The following NPAS1 variants were observed in gnomAD, a reference collection of about 807,000 sequenced individuals.
The protein encoded by NPAS1 is neuronal PAS domain-containing protein 1.
In NPAS1, 29 loss-of-function variants were observed where a neutral mutation model predicts 49.2. The ratio of observed to expected loss-of-function variants is 0.59; its 90% confidence interval spans 0.44 to 0.80. The LOEUF (loss-of-function observed/expected upper bound fraction) is 0.80. Ranked by LOEUF, NPAS1 falls within the 30% of genes least tolerant of loss-of-function variation. The pLI is 0.00. For missense variants in NPAS1, 825 were observed against 835.5 expected (o/e 0.99, Z 0.15); for synonymous variants, 408 against 380.4 (o/e 1.07, Z -0.84).
chr19:47,032,829 A>G, intron 5 of NPAS1, 97 bp downstream of exon 5: 1 of 860,536 alleles, frequency 1.2e-6, no homozygotes. Flanking sequence ...CCATAGCAGC[A>G]AGAAAAATGG....
intron 3 of NPAS1, among the ~76,000 whole-genome samples, chr19:47,023,449 T>G (rs1274477239): frequency 4.0e-5 from 6 of 151,686 alleles, no homozygotes; most frequent in Non-Finnish European, 8.8e-5. Context: ...CAGGACAGTG[T>G]GGGGGGGCTT....
intron 1 of NPAS1, chr19:47,020,768 C>A (rs1162494246): frequency 5.3e-5 from 12 of 226,706 alleles, no homozygotes. Flanking sequence ...GGGCGTGAGG[C>A]GGGCGCGCTG....
chr19:47,036,229 A>G, intron 6 of NPAS1, 100 bp downstream of exon 6: 1 of 1,245,338 alleles, frequency 8.0e-7, no homozygotes, highest in South Asian at 1.3e-5. Flanking sequence ...ATAGCAGTGA[A>G]GTTAGAACTG....
chr19:47,039,282 G>A, intron 7 of NPAS1, 125 bp from the exon 8 acceptor site: 2 of 1,480,014 alleles, frequency 1.4e-6, no homozygotes, highest in Non-Finnish European at 1.8e-6. Flanking sequence ...AATGGGACTG[G>A]GGGGGTCACA....
chr19:47,028,959 G>A (rs1312787205), intron 3 of NPAS1, among the ~76,000 whole-genome samples: 1 of 152,146 alleles, frequency 6.6e-6, no homozygotes, highest in African/African-American at 2.4e-5. Flanking sequence ...GATGGGGCAG[G>A]GGGCACAGGT....
chr19:47,024,125 A>G (rs566714390), intron 3 of NPAS1, among the ~76,000 whole-genome samples: 9 of 151,970 alleles, frequency 5.9e-5, no homozygotes, highest in African/African-American at 2.2e-4. Flanking sequence ...AAAAATAAAA[A>G]TAAATAAATA....
At chr19:47,042,339 C>A (rs867358702) in intron 10 of NPAS1, among the ~76,000 whole-genome samples, 1 of 152,048 alleles carries the variant, frequency 6.6e-6, no homozygotes, top group Non-Finnish European at 1.5e-5. Context: ...AAAAACCCTT[C>A]TAGCTGCCAT....
intron 3 of NPAS1, among the ~76,000 whole-genome samples, chr19:47,023,144 T>C (rs959128741): frequency 3.3e-5 from 5 of 152,196 alleles, no homozygotes; most frequent in Non-Finnish European, 7.3e-5. Context: ...TCCCAGGCGG[T>C]AATTAGGCGA....
chr19:47,033,244 ATT>A (rs373034169), intron 5 of NPAS1, among the ~76,000 whole-genome samples: 2 of 130,962 alleles, frequency 1.5e-5, no homozygotes, highest in African/African-American at 2.9e-5. Flanking sequence ...GATGAGGGCT[ATT>A]TTTTTTTTTT....
chr19:47,037,081 G>C (rs2122515536), intron 6 of NPAS1, among the ~76,000 whole-genome samples: 1 of 150,978 alleles, frequency 6.6e-6, no homozygotes, highest in African/African-American at 2.4e-5. Context: ...GCTGGGTGCG[G>C]TGGCTCACGC....
chr19:47,035,264 A>T (rs753430809), intron 5 of NPAS1: 1 of 152,430 alleles, frequency 6.6e-6, no homozygotes, highest in Non-Finnish European at 1.5e-5. Flanking sequence ...GGAGGATTTA[A>T]TGAGGGGGCG....
In NPAS1 at chr19:47,029,785, C is replaced by T. The variant is rs115801717; in HGVS notation, c.359-2493C>T. On this transcript the variant is annotated intron_variant, in intron 3 of 11. Coordinates refer to ENST00000602212, the MANE Select transcript of NPAS1 (RefSeq NM_002517.4). ...GATGTGAAGTATGCTGCTATGAACA[C>T]GCATGTACATGCTACAACGCCTGTT... Among the ~76,000 whole-genome samples the T allele has an allele frequency of 7.6e-3, 1,156 of 152,314 alleles. 15 individuals are homozygous for T. The highest frequency in any genetic ancestry group is 0.026 in the African/African-American group (1,090 of 41,566).
intron 3 of NPAS1, among the ~76,000 whole-genome samples, chr19:47,027,349 C>T (rs1191728378): frequency 3.1e-5 from 4 of 130,814 alleles, no homozygotes; most frequent in African/African-American, 8.2e-5. Flanking sequence ...TGCCCCAGGT[C>T]CCCCCTCTCT....
rs762126729 is a variant in NPAS1, at chr19:47,041,147, C to T, written c.1217+22C>T. On this transcript the variant is annotated intron_variant, in intron 10 of 11. Transcript: ENST00000602212. ...TCAGGTGAGGGCTGTGCCCACCCCT[C>T]CTGCAGGGCACTCAGGGCCCTGCTG... The T allele has an allele frequency of 1.3e-5, 20 of 1,540,768 alleles. No homozygotes were observed. In the South Asian group the frequency reaches 2.1e-4, roughly 16 times the overall value.
At position 47,039,028 on chromosome 19, in the gene NPAS1, T is replaced by C. The variant is rs1161556733; in HGVS notation, c.689-8T>C. The C allele has an allele frequency of 1.2e-6, 2 of 1,613,456 alleles. No homozygotes were observed. On this transcript the variant is annotated splice_polypyrimidine_tract_variant and splice_region_variant and intron_variant, in intron 6 of 11. Transcript: ENST00000602212. ...GACCCCATAACCTTCCTTCACTCTC[T>C]GTCCCAGAGGCCAGCCTCACCAAGG...
At chr19:47,027,143 C>T (rs774862797) in intron 3 of NPAS1, among the ~76,000 whole-genome samples, 10 of 152,276 alleles carry the variant, frequency 6.6e-5, no homozygotes, top group Admixed American at 2.6e-4. Flanking sequence ...CTCAGGCCTG[C>T]GGCGCTTTGA....
At position 47,021,826 on chromosome 19, in the gene NPAS1, G is replaced by A; in HGVS notation, c.337G>A (p.Ala113Thr). 1 of 1,508,890 alleles carries A rather than the reference G, an allele frequency of 6.6e-7. No individual in the cohort carries two copies. Among genetic ancestry groups the A allele is most frequent in the Non-Finnish European group, 8.8e-7 (1 of 1,132,924 alleles). 93.5% of individuals were successfully genotyped at this position (1,508,890 alleles called of 1,614,324 possible). A position where few individuals can be genotyped will look rare whatever the true frequency, so the allele number is the denominator to read the frequency against. The change falls in exon 3 of 12, where the codon GCG becomes ACG. Residue 113 changes from alanine to threonine, a missense_variant. By Grantham distance (58) the Ala-to-Thr change is moderately conservative (BLOSUM62 0). Transcript: ENST00000602212. This position sits in a 1 kb window ranked among gnomAD's most constrained non-coding sequence, Gnocchi z 5.7. Reference sequence around the variant, plus strand: ...GGCGCCGCCCTGGGGGCTGAGAGCCGCGGGGCCGCCAGCTGGCCTCGGTGA... The same window carrying A: ...GGCGCCGCCCTGGGGGCTGAGAGCCACGGGGCCGCCAGCTGGCCTCGGTGA... ...LGAPPWGLRA[A>T]GPPAGLAPGR...
chr19:47,032,708 C>T lies in NPAS1; in HGVS notation c.498C>T (p.Val166=). The T allele has an allele frequency of 2.5e-6, 4 of 1,614,018 alleles. No individual in the cohort carries two copies. The highest frequency in any genetic ancestry group is 3.4e-6 in the Non-Finnish European group (4 of 1,179,892). Residue 166 remains valine, a synonymous_variant, in exon 5 of 12, where the codon GTC becomes GTT. Coordinates refer to ENST00000602212, the MANE Select transcript of NPAS1 (RefSeq NM_002517.4). ...AATTCCTCTACATCTCAGAGACAGTCTCCATCTATCTGGGTCTCTCACAGG... is the reference window on the plus strand; with the variant it reads ...AATTCCTCTACATCTCAGAGACAGTTTCCATCTATCTGGGTCTCTCACAGG... ...EGKFLYISET[V]SIYLGLSQVE... is the part of the protein sequence containing the mutation.
At chr19:47,029,538 C>CACAG (rs2056893608) in intron 3 of NPAS1, among the ~76,000 whole-genome samples, 1 of 151,844 alleles carries the variant, frequency 6.6e-6, no homozygotes. Context: ...TAGCTGGGAC[C>CACAG]ACAGGCACAT....
Sources: allele counts gnomAD v4.1 joint callset (sites outside exome capture counted in the v4.1 genomes callset), GRCh38; gene constraint gnomAD v4.1.1; non-coding constraint Gnocchi (gnomAD v3.1); transcripts MANE v1.5; gene names NCBI Gene and HGNC (gene_info 2026-07-23, HGNC 2026-07-21).